The following FLT1 variants were observed in gnomAD, a reference collection of about 807,000 sequenced individuals.
FLT1 encodes fms related receptor tyrosine kinase 1, also known as vascular endothelial growth factor receptor 1.
Under a neutral mutation model 156.3 loss-of-function variants are expected in FLT1, and 49 were observed. The observed-to-expected ratio is 0.31, with a 90% CI of 0.25 to 0.40. The LOEUF (loss-of-function observed/expected upper bound fraction) is 0.40. FLT1 is among the 10% of genes least tolerant of loss of function. FLT1 has a pLI of 1.00. For synonymous variants in FLT1, 594 were observed against 583.8 expected (o/e 1.02, Z -0.25); for missense variants, 1,322 against 1,637.2 (o/e 0.81, Z 3.32).
At position 28,430,177 on chromosome 13, in the gene FLT1, G is replaced by C. The variant is rs541122676; in HGVS notation, c.989-10C>G. On this transcript the variant is annotated splice_polypyrimidine_tract_variant and intron_variant, in intron 7 of 29. Coordinates refer to ENST00000282397, the MANE Select transcript of FLT1 (RefSeq NM_002019.4). ...GTGATGAATGCTTTATCTTTGAAAG[G>C]AGAAGTGATACATACATTAGAAAAG... is the stretch of plus-strand genomic sequence containing the variant. The C allele has an allele frequency of 6.4e-7, 1 of 1,568,198 alleles. No homozygotes were observed. The highest frequency in any genetic ancestry group is 2.2e-5 in the East Asian group (1 of 44,654).
chr13:28,455,153 C>T (rs1879189337), intron 3 of FLT1, among the ~76,000 whole-genome samples: 1 of 152,196 alleles, frequency 6.6e-6, no homozygotes, highest in Admixed American at 6.5e-5. Context: ...CAAACTGATC[C>T]TAAAGTTTAT....
intron 9 of FLT1, 77 bp from the exon 10 acceptor site, chr13:28,427,395 C>T (rs776307984): frequency 1.9e-5 from 24 of 1,285,354 alleles, no homozygotes; most frequent in African/African-American, 2.9e-5. Flanking sequence ...CATGAAGGAC[C>T]ACATTCTCAC....
At chr13:28,347,204 T>C (rs1872596788) in intron 15 of FLT1, among the ~76,000 whole-genome samples, 1 of 152,132 alleles carries the variant, frequency 6.6e-6, no homozygotes, top group Non-Finnish European at 1.5e-5. Context: ...GAGGGCATTA[T>C]AGGCAGAGGA....
chr13:28,323,664 A>AG (rs1188201356), intron 20 of FLT1, among the ~76,000 whole-genome samples: 1 of 151,386 alleles, frequency 6.6e-6, no homozygotes, highest in Non-Finnish European at 1.5e-5. Context: ...AAAAAAAAAA[A>AG]AAAGCAAAGC....
chr13:28,311,369 T>C (rs1870992343), intron 27 of FLT1, among the ~76,000 whole-genome samples: 1 of 152,190 alleles, frequency 6.6e-6, no homozygotes, highest in African/African-American at 2.4e-5. Flanking sequence ...ACAAACACAA[T>C]CATAGAGAGT....
At chr13:28,386,436 T>G (rs1400586374) in intron 13 of FLT1, 5 of 1,041,978 alleles carry the variant, frequency 4.8e-6, no homozygotes, top group Non-Finnish European at 5.8e-6. Context: ...ATTAGTCTTC[T>G]CATTTTATAA....
chr13:28,372,363 C>G (rs1417996875), intron 14 of FLT1, among the ~76,000 whole-genome samples: 12 of 149,560 alleles, frequency 8.0e-5, no homozygotes, highest in Non-Finnish European at 1.6e-4. Context: ...GGATTACAGG[C>G]ATGAGCCACT....
In FLT1 at chr13:28,357,554, C is replaced by A. The variant is rs1872944287; in HGVS notation, c.2248G>T (p.Gly750Ter). ...GTTGCTTTCTTAAGCAGCTGTTTAC[C>A]TTGAACAGTGAGGTATGCTGAACTT... is the stretch of plus-strand genomic sequence containing the variant. ...VESSAYLTVQGTSDKSNLELI... is the reference protein window; with the variant it reads ...VESSAYLTVQ Residue 750 changes from glycine to a stop codon, truncating the protein, a stop_gained and splice_region_variant, in exon 15 of 30, where the codon GGA (glycine) becomes TGA (stop). Transcript: ENST00000282397. LOFTEE classifies it high-confidence loss of function. 1 of 1,614,068 alleles carries A rather than the reference C, an allele frequency of 6.2e-7. No homozygotes were observed. Among genetic ancestry groups the A allele is most frequent in the Non-Finnish European group, 8.5e-7 (1 of 1,179,952 alleles).
At chr13:28,387,666 A>T in intron 13 of FLT1, 1 of 1,064,174 alleles carries the variant, frequency 9.4e-7, no homozygotes, top group Non-Finnish European at 1.1e-6. Flanking sequence ...CCCCTGTTCC[A>T]TTTCAATTAT....
chr13:28,491,022 C>T (rs1272408860), intron 1 of FLT1, among the ~76,000 whole-genome samples: 1 of 152,224 alleles, frequency 6.6e-6, no homozygotes, highest in African/African-American at 2.4e-5. Flanking sequence ...ACAGAAGCTA[C>T]TTACTCTGTT....
rs1347783063 is a variant in FLT1 at position 28,433,975 on chromosome 13, A to T, written c.677-20T>A. ...TATTGGCTGCAAGCATAAGAGAGAAATTTTTTAAAATTAAGATTTCATTAC... is the reference window on the plus strand; with the variant it reads ...TATTGGCTGCAAGCATAAGAGAGAATTTTTTTAAAATTAAGATTTCATTAC... On this transcript the variant is annotated intron_variant, in intron 5 of 29. Transcript: ENST00000282397. 2 of 1,614,046 alleles carry T rather than the reference A, an allele frequency of 1.2e-6. No individual in the cohort carries two copies. The highest frequency in any genetic ancestry group is 8.5e-7 in the Non-Finnish European group (1 of 1,179,930).
At chr13:28,442,799 A>C (rs1878409062) in intron 3 of FLT1, among the ~76,000 whole-genome samples, 1 of 152,162 alleles carries the variant, frequency 6.6e-6, no homozygotes, top group South Asian at 2.1e-4. Flanking sequence ...ACTTCAAGGA[A>C]GGGCTAAGAA....
intron 15 of FLT1, among the ~76,000 whole-genome samples, chr13:28,347,916 C>T (rs976409264): frequency 2.3e-4 from 35 of 152,176 alleles, no homozygotes; most frequent in African/African-American, 8.4e-4. Flanking sequence ...GATTTTAACC[C>T]AGATAATCTG....
chr13:28,460,804 A>G lies in FLT1; in HGVS notation c.388+6099T>C, dbSNP rs764847430. Among the ~76,000 whole-genome samples the G allele has an allele frequency of 2.4e-4, 31 of 129,950 alleles. 1 individual carries two copies. The highest frequency in any genetic ancestry group is 5.3e-4 in the South Asian group (2 of 3,758). The allele number at this position is 129,950 out of a possible 152,430, so 85.3% of individuals were successfully genotyped here. On this transcript the variant is annotated intron_variant, in intron 3 of 29. Coordinates refer to ENST00000282397, the MANE Select transcript of FLT1 (RefSeq NM_002019.4). ...ATTTTACGTCAGACCCATTACACAC[A>G]CACACACACACACACACACACACAC...
At chr13:28,466,824 C>T (rs761809837) in intron 3 of FLT1, 79 bp downstream of exon 3, 4 of 1,017,352 alleles carry the variant, frequency 3.9e-6, no homozygotes, top group Admixed American at 3.7e-5. Flanking sequence ...AGGAAAGCAA[C>T]CTTTCCAATG....
intron 1 of FLT1, among the ~76,000 whole-genome samples, chr13:28,473,809 A>G (rs367729365): frequency 7.5e-6 from 1 of 132,640 alleles, no homozygotes; most frequent in Non-Finnish European, 1.6e-5. Context: ...AAAGAAAGAA[A>G]GAAAGAAAGA....
intron 26 of FLT1, 74 bp downstream of exon 26, chr13:28,311,919 T>TA (rs555066797): frequency 0.014 from 13,502 of 971,420 alleles, no homozygotes; most frequent in Non-Finnish European, 0.016. Flanking sequence ...TAATAGCTCT[T>TA]AAAAAAAAAA....
chr13:28,489,974 T>TTAGCACTG (rs1271387826), intron 1 of FLT1, among the ~76,000 whole-genome samples: 1 of 152,232 alleles, frequency 6.6e-6, no homozygotes, highest in African/African-American at 2.4e-5. Flanking sequence ...GAAAGAAATT[T>TTAGCACTG]TAGCACTGTA....
At chr13:28,410,356 G>A (rs763460977) in intron 10 of FLT1, among the ~76,000 whole-genome samples, 5 of 152,198 alleles carry the variant, frequency 3.3e-5, no homozygotes, top group Non-Finnish European at 5.9e-5. Flanking sequence ...CTCTTGTGAG[G>A]AAATGATCGA....
Sources: allele counts gnomAD v4.1 joint callset (sites outside exome capture counted in the v4.1 genomes callset), GRCh38; gene constraint gnomAD v4.1.1; transcripts MANE v1.5; gene names NCBI Gene and HGNC (gene_info 2026-07-23, HGNC 2026-07-21).